Variants in DNAH11 observed in about 807,000 individuals in gnomAD.
DNAH11 encodes axonemal beta dynein heavy chain 11.
Under a neutral mutation model 526.0 loss-of-function variants are expected in DNAH11, and 442 were observed. The ratio of observed to expected loss-of-function variants is 0.84; its 90% confidence interval spans 0.78 to 0.91. The LOEUF is 0.91. Ranked by LOEUF, DNAH11 falls within the 40% of genes least tolerant of loss-of-function variation. The pLI is 0.00. For synonymous variants in DNAH11, 2,461 were observed against 1,935.9 expected (o/e 1.27, Z -7.12); for missense variants, 6,989 against 5,448.7 (o/e 1.28, Z -8.90).
At chr7:21,818,976 G>T (rs998105433) in intron 65 of DNAH11, among the ~76,000 whole-genome samples, 4 of 152,024 alleles carry the variant, frequency 2.6e-5, no homozygotes, top group Admixed American at 6.6e-5. Flanking sequence ...TCTCTCAGGG[G>T]CATTGAAGCC....
intron 63 of DNAH11, among the ~76,000 whole-genome samples, chr7:21,812,515 ATTT>A (rs200226198): frequency 0.4 from 60,974 of 151,108 alleles, 13,217 homozygotes; most frequent in East Asian, 0.82. Flanking sequence ...TGAAAAAAAA[ATTT>A]TTTTTAAACC....
At chr7:21,667,148 G>A (rs574711906) in intron 30 of DNAH11, among the ~76,000 whole-genome samples, 1 of 152,234 alleles carries the variant, frequency 6.6e-6, no homozygotes, top group African/African-American at 2.4e-5. Flanking sequence ...AAATCTAGAA[G>A]AAATGGATAA....
chr7:21,606,770 T>G, intron 20 of DNAH11, 37 bp downstream of exon 20: 1 of 1,512,906 alleles, frequency 6.6e-7, no homozygotes, highest in Non-Finnish European at 9.0e-7. Context: ...TGCATTAAAA[T>G]AGCTACTTTA....
At chr7:21,810,048 T>C (rs572583054) in intron 63 of DNAH11, among the ~76,000 whole-genome samples, 1 of 152,340 alleles carries the variant, frequency 6.6e-6, no homozygotes, top group Admixed American at 6.5e-5. Context: ...ATGAAACTTT[T>C]TGTTTTCTTA....
intron 66 of DNAH11, among the ~76,000 whole-genome samples, chr7:21,846,775 A>G (rs1235593799): frequency 6.6e-6 from 1 of 152,154 alleles, no homozygotes; most frequent in Admixed American, 6.5e-5. Context: ...GAAAAAATGT[A>G]GAGAATTGAT....
At chr7:21,794,510 C>A (rs528691459) in intron 61 of DNAH11, among the ~76,000 whole-genome samples, 36 of 152,218 alleles carry the variant, frequency 2.4e-4, no homozygotes, top group Non-Finnish European at 4.3e-4. Flanking sequence ...CTTAGAAATG[C>A]TTGAAGTACT....
intron 63 of DNAH11, among the ~76,000 whole-genome samples, chr7:21,809,224 A>T (rs918929722): frequency 6.6e-6 from 1 of 151,984 alleles, no homozygotes; most frequent in Non-Finnish European, 1.5e-5. Context: ...CCATTTTACG[A>T]TCAAGTTTTT....
intron 6 of DNAH11, among the ~76,000 whole-genome samples, chr7:21,565,933 ACT>A (rs1440059220): frequency 6.6e-6 from 1 of 151,976 alleles, no homozygotes; most frequent in African/African-American, 2.4e-5. Context: ...AATATCTGTT[ACT>A]CTGTTGGGCA....
intron 63 of DNAH11, among the ~76,000 whole-genome samples, chr7:21,813,841 C>T (rs140089818): frequency 1.1e-4 from 16 of 152,264 alleles, no homozygotes; most frequent in East Asian, 5.8e-4. Flanking sequence ...CCTCTTTGCA[C>T]GTGGTTTCCA....
At chr7:21,765,915 A>G (rs1331946706) in intron 55 of DNAH11, among the ~76,000 whole-genome samples, 1 of 152,108 alleles carries the variant, frequency 6.6e-6, no homozygotes, top group African/African-American at 2.4e-5. Flanking sequence ...TTGAATCATA[A>G]TGGGGCTTGC....
At chr7:21,682,475 G>C (rs564706079) in intron 31 of DNAH11, among the ~76,000 whole-genome samples, 1 of 147,116 alleles carries the variant, frequency 6.8e-6, no homozygotes, top group African/African-American at 2.5e-5. Context: ...GCAGTGAGCC[G>C]AGATGGCGCC....
rs1785045414 is a variant in DNAH11, at chr7:21,600,696, A to C, written c.3021A>C (p.Leu1007Phe). ...TTTAGAATGATATGGATAACATGTT[A>C]GGCCTGGCAGAGGTCAGGCAGGAGA... ...KNYQNDMDNM[L>F]GLAEVRQEIM... Residue 1007 changes from leucine (L) to phenylalanine (F), a missense_variant, in exon 16 of 82, where the codon TTA becomes TTC. Coordinates refer to ENST00000409508, the MANE Select transcript of DNAH11 (RefSeq NM_001277115.2). The C allele has an allele frequency of 1.2e-6, 2 of 1,612,074 alleles. No individual in the cohort carries two copies. The highest frequency in any genetic ancestry group is 1.7e-6 in the Non-Finnish European group (2 of 1,178,816).
In DNAH11 at chr7:21,591,281, G is replaced by A. The variant is rs1008624255; in HGVS notation, c.2371G>A (p.Ala791Thr). ...EYPLIEDELR[A>T]IDEQLTAATT... Reference sequence around the variant, plus strand: ...CCCTCTGATTGAAGATGAGCTGAGGGCTATTGACGAGCAGCTGACAGCAGC... The same window carrying A: ...CCCTCTGATTGAAGATGAGCTGAGGACTATTGACGAGCAGCTGACAGCAGC... The change falls in exon 14 of 82, where the codon GCT (alanine) becomes ACT (threonine). Residue 791 changes from alanine to threonine, a missense_variant. By Grantham distance (58) the Ala-to-Thr change is moderately conservative (BLOSUM62 0). Transcript: ENST00000409508. 22 of 1,613,136 alleles carry A rather than the reference G, an allele frequency of 1.4e-5. No individual in the cohort carries two copies. The highest frequency in any genetic ancestry group is 1.9e-5 in the Non-Finnish European group (22 of 1,179,362).
intron 30 of DNAH11, among the ~76,000 whole-genome samples, chr7:21,662,027 CA>C (rs1472117805): frequency 6.6e-6 from 1 of 152,074 alleles, no homozygotes. Flanking sequence ...CCATGTTGGC[CA>C]GGCTGGTCTC....
At chr7:21,627,803 T>A (rs1786413005) in intron 25 of DNAH11, among the ~76,000 whole-genome samples, 1 of 152,194 alleles carries the variant, frequency 6.6e-6, no homozygotes. Flanking sequence ...TTTTTCTATT[T>A]CTGTGGAAAA....
At position 21,720,780 on chromosome 7, in the gene DNAH11, G is replaced by A; in HGVS notation, c.7190G>A (p.Ser2397Asn). The change falls in exon 44 of 82, where the codon AGC becomes AAC. Residue 2397 changes from serine (S) to asparagine (N), a missense_variant. By Grantham distance (46) the Ser-to-Asn change is conservative. Coordinates refer to ENST00000409508, the MANE Select transcript of DNAH11 (RefSeq NM_001277115.2). ...ACTCCTGAAAATGTACCTTCTGACAGCCCAAAAGAAGTTTATGAAGTCTAT... is the reference window on the plus strand; with the variant it reads ...ACTCCTGAAAATGTACCTTCTGACAACCCAAAAGAAGTTTATGAAGTCTAT... ...LLTPENVPSD[S>N]PKEVYEVYFV... The A allele has an allele frequency of 6.2e-7, 1 of 1,605,398 alleles. No homozygotes were observed. The highest frequency in any genetic ancestry group is 1.1e-5 in the South Asian group (1 of 89,342).
intron 77 of DNAH11, among the ~76,000 whole-genome samples, chr7:21,893,107 T>C (rs1175488189): frequency 1.3e-5 from 2 of 152,238 alleles, no homozygotes; most frequent in African/African-American, 4.8e-5. Context: ...TTTTTCACTT[T>C]TATAGAAATA....
At chr7:21,690,693 G>T (rs1276963523) in intron 34 of DNAH11, 72 bp from the exon 35 acceptor site, 1 of 1,145,674 alleles carries the variant, frequency 8.7e-7, no homozygotes, top group Non-Finnish European at 1.3e-6. Context: ...ATTTTGCAGT[G>T]GTTTGCATTT....
chr7:21,892,511 G>A lies in DNAH11; in HGVS notation c.12594G>A (p.Met4198Ile). The change falls in exon 77 of 82, where the codon ATG (methionine) becomes ATA (isoleucine). Residue 4198 changes from methionine to isoleucine, a missense_variant. By Grantham distance (10) the Met-to-Ile change is conservative. Transcript: ENST00000409508. ...YAGYHQYIEE[M>I]LPPESPALYG... ...GCTACCACCAGTACATAGAGGAGAT[G>A]CTTCCTCCAGAAAGCCCGGCACTGT... is the stretch of plus-strand genomic sequence containing the variant. 1.2e-6 allele frequency: 2 copies of A among 1,613,934 alleles called. No individual in the cohort carries two copies. The highest frequency in any genetic ancestry group is 8.5e-7 in the Non-Finnish European group (1 of 1,179,890).
Sources: allele counts gnomAD v4.1 joint callset (sites outside exome capture counted in the v4.1 genomes callset), GRCh38; gene constraint gnomAD v4.1.1; transcripts MANE v1.5; gene names NCBI Gene and HGNC (gene_info 2026-07-23, HGNC 2026-07-21).